OPA1: variants seen among roughly 807,000 people sequenced by gnomAD.
The protein encoded by OPA1 is dynamin-like GTPase OPA1, mitochondrial.
OPA1 carries 59 observed loss-of-function variants against 152.9 expected under a neutral mutation model. The observed-to-expected ratio is 0.39, with a 90% CI of 0.31 to 0.48. OPA1 has a LOEUF of 0.48. Ranked by LOEUF, OPA1 falls within the 20% of genes least tolerant of loss-of-function variation. OPA1 has a pLI of 0.96. For synonymous variants in OPA1, 400 were observed against 389.9 expected (o/e 1.03, Z -0.31); for missense variants, 1,008 against 1,216.8 (o/e 0.83, Z 2.55).
intron 29 of OPA1, among the ~76,000 whole-genome samples, chr3:193,674,730 A>G (rs2109341666): frequency 6.6e-6 from 1 of 152,358 alleles, no homozygotes; most frequent in South Asian, 2.1e-4. Context: ...GTGACTTCAC[A>G]TTCCGACACT....
At chr3:193,601,363 G>A (rs553261029) in intron 1 of OPA1, among the ~76,000 whole-genome samples, 1 of 152,282 alleles carries the variant, frequency 6.6e-6, no homozygotes, top group South Asian at 2.1e-4. Flanking sequence ...GAAGCAATTC[G>A]AAAGGCAGGA....
intron 29 of OPA1, among the ~76,000 whole-genome samples, chr3:193,678,293 G>C (rs1719519084): frequency 2.0e-5 from 3 of 151,080 alleles, no homozygotes; most frequent in African/African-American, 7.3e-5. Flanking sequence ...CTTTACCAAA[G>C]TACACTACTG....
At chr3:193,675,327 GAAAAAAA>G (rs988338349) in intron 29 of OPA1, among the ~76,000 whole-genome samples, 4 of 63,402 alleles carry the variant, frequency 6.3e-5, no homozygotes, top group East Asian at 3.9e-4. Context: ...TTTTTTTTAA[GAAAAAAA>G]AAAAAAAAAA....
intron 21 of OPA1, among the ~76,000 whole-genome samples, chr3:193,649,672 T>G (rs1263462909): frequency 6.6e-6 from 1 of 152,218 alleles, no homozygotes; most frequent in Non-Finnish European, 1.5e-5. Flanking sequence ...GATAGTAGTA[T>G]CTGGTCTGTT....
At chr3:193,632,937 A>C (rs536508166) in intron 8 of OPA1, among the ~76,000 whole-genome samples, 1 of 152,352 alleles carries the variant, frequency 6.6e-6, no homozygotes, top group African/African-American at 2.4e-5. Context: ...TACAAGTTGA[A>C]TATCTCTTAT....
chr3:193,606,271 T>A (rs185149078), intron 1 of OPA1, among the ~76,000 whole-genome samples: 176 of 151,894 alleles, frequency 1.2e-3, no homozygotes, highest in South Asian at 4.4e-3. Flanking sequence ...CTTAAAAAAA[T>A]TTTTTTTTAT....
At chr3:193,627,144 A>G (rs1731283582) in intron 7 of OPA1, 2 of 152,328 alleles carry the variant, frequency 1.3e-5, no homozygotes, top group Admixed American at 1.3e-4. Context: ...TAAATCAACC[A>G]ATATTATAGA....
intron 27 of OPA1, among the ~76,000 whole-genome samples, chr3:193,665,526 A>C (rs548136280): frequency 1.3e-5 from 2 of 152,244 alleles, no homozygotes; most frequent in African/African-American, 4.8e-5. Context: ...ATAATCATAA[A>C]GTTCTTGTAT....
chr3:193,658,793 T>G (rs1714536316), intron 23 of OPA1, 94 bp from the exon 24 acceptor site: 1 of 851,164 alleles, frequency 1.2e-6, no homozygotes, highest in African/African-American at 1.7e-5. Flanking sequence ...TACATGGTTA[T>G]TTTTCCATAT....
At chr3:193,686,615 T>A (rs1025823112) in intron 29 of OPA1, among the ~76,000 whole-genome samples, 14 of 152,178 alleles carry the variant, frequency 9.2e-5, no homozygotes. Flanking sequence ...TTTTCCTTTT[T>A]TTGTTTCCCC....
At chr3:193,610,190 A>G (rs1398292263) in intron 1 of OPA1, among the ~76,000 whole-genome samples, 1 of 152,038 alleles carries the variant, frequency 6.6e-6, no homozygotes, top group African/African-American at 2.4e-5. Context: ...GTCTTTGATG[A>G]TGGTGATGTA....
chr3:193,615,795 CT>C, intron 3 of OPA1, 25 bp downstream of exon 3: 8 of 1,330,526 alleles, frequency 6.0e-6, no homozygotes, highest in South Asian at 1.2e-5. Flanking sequence ...CATTAAAATA[CT>C]TTTTTTGGTC....
intron 1 of OPA1, among the ~76,000 whole-genome samples, chr3:193,593,859 C>A (rs1393727061): frequency 6.6e-6 from 1 of 152,092 alleles, no homozygotes; most frequent in African/African-American, 2.4e-5. Flanking sequence ...GTGTACATTG[C>A]ATCTTCAGGT....
intron 29 of OPA1, 41 bp downstream of exon 29, chr3:193,667,321 C>A (rs767903014): frequency 1.1e-6 from 1 of 917,130 alleles, no homozygotes. Flanking sequence ...TACCTTTCCA[C>A]CTTTCCCATT....
chr3:193,695,128 A>G lies in OPA1; in HGVS notation c.*528A>G, dbSNP rs1722142951. 1 of 152,222 alleles carries G rather than the reference A, an allele frequency of 6.6e-6. No individual in the cohort carries two copies. Among genetic ancestry groups the G allele is most frequent in the Non-Finnish European group, 1.5e-5 (1 of 68,032 alleles). 9.4% of individuals were successfully genotyped at this position (152,222 alleles called of 1,614,324 possible). On this transcript the variant is annotated 3_prime_UTR_variant, in exon 31 of 31. Transcript: ENST00000361510. ...CATGATAATTCAGTTTATATTCACC[A>G]CATGAAAGAAAAATGGGTAACAGAA...
intron 18 of OPA1, among the ~76,000 whole-genome samples, chr3:193,646,141 A>G (rs1219749099): frequency 6.6e-6 from 1 of 152,174 alleles, no homozygotes; most frequent in Non-Finnish European, 1.5e-5. Flanking sequence ...CTCTTACAGT[A>G]TTGGGGAAGA....
intron 6 of OPA1, among the ~76,000 whole-genome samples, chr3:193,621,448 C>T (rs1730059146): frequency 6.6e-6 from 1 of 152,110 alleles, no homozygotes; most frequent in South Asian, 2.1e-4. Flanking sequence ...GTTATAATAC[C>T]GGTCTTCAAA....
chr3:193,654,730 T>C, intron 21 of OPA1, 132 bp from the exon 22 acceptor site: 2 of 883,854 alleles, frequency 2.3e-6, no homozygotes, highest in Non-Finnish European at 3.6e-6. Flanking sequence ...TTTACAGGTA[T>C]ATACACATGT....
At chr3:193,614,428 T>C (rs940911439) in intron 1 of OPA1, among the ~76,000 whole-genome samples, 5 of 152,234 alleles carry the variant, frequency 3.3e-5, no homozygotes, top group East Asian at 1.9e-4. Flanking sequence ...TTGTTTCTTA[T>C]GTCAGTGTGA....
Sources: allele counts gnomAD v4.1 joint callset (sites outside exome capture counted in the v4.1 genomes callset), GRCh38; gene constraint gnomAD v4.1.1; transcripts MANE v1.5; gene names NCBI Gene and HGNC (gene_info 2026-07-23, HGNC 2026-07-21).